The following ATP8A2 variants were observed in gnomAD, a reference collection of about 807,000 sequenced individuals.
ATP8A2 encodes ATPase phospholipid transporting 8A2.
A neutral mutation model predicts 165.6 loss-of-function variants in ATP8A2; 100 were observed. That is an observed-to-expected ratio of 0.60 (90% CI 0.51 to 0.71). The LOEUF (loss-of-function observed/expected upper bound fraction) is 0.71, where lower values mean the gene tolerates loss of function less well. Ranked by LOEUF, ATP8A2 falls within the 30% of genes least tolerant of loss-of-function variation. ATP8A2 has a pLI of 0.00. For missense variants in ATP8A2, 1,227 were observed against 1,479.5 expected (o/e 0.83, Z 2.80); for synonymous variants, 543 against 548.8 (o/e 0.99, Z 0.15).
chr13:25,927,561 C>T (rs967337516), intron 33 of ATP8A2, among the ~76,000 whole-genome samples: 14 of 152,190 alleles, frequency 9.2e-5, no homozygotes, highest in Non-Finnish European at 1.8e-4. Flanking sequence ...TACGTGTCTC[C>T]ACACGCAGAG....
intron 33 of ATP8A2, among the ~76,000 whole-genome samples, chr13:25,885,005 T>C (rs1385480022): frequency 6.6e-6 from 1 of 152,136 alleles, no homozygotes; most frequent in Non-Finnish European, 1.5e-5. Context: ...CCTGTTACTT[T>C]GTGGCAGGGC....
intron 35 of ATP8A2, among the ~76,000 whole-genome samples, chr13:26,001,772 A>G (rs1956635156): frequency 6.6e-6 from 1 of 151,970 alleles, no homozygotes; most frequent in African/African-American, 2.4e-5. Context: ...TGGATACTAG[A>G]CCTTTATCAG....
intron 35 of ATP8A2, among the ~76,000 whole-genome samples, chr13:26,000,378 T>C (rs959932734): frequency 2.0e-5 from 3 of 152,236 alleles, no homozygotes; most frequent in Non-Finnish European, 4.4e-5. Flanking sequence ...TCCCGCTCTT[T>C]GGCAGTTATG....
At chr13:25,632,617 C>T (rs1033287685) in intron 24 of ATP8A2, among the ~76,000 whole-genome samples, 3 of 152,204 alleles carry the variant, frequency 2.0e-5, no homozygotes, top group Non-Finnish European at 2.9e-5. Context: ...CCTCATGCTA[C>T]CTTTCACCTG....
At chr13:25,645,147 C>G (rs1456424405) in intron 24 of ATP8A2, among the ~76,000 whole-genome samples, 1 of 152,150 alleles carries the variant, frequency 6.6e-6, no homozygotes, top group African/African-American at 2.4e-5. Context: ...TACTGTTCCT[C>G]ATGGCTGGGG....
intron 2 of ATP8A2, among the ~76,000 whole-genome samples, chr13:25,512,840 A>T (rs1593433720): frequency 9.7e-6 from 1 of 103,588 alleles, no homozygotes; most frequent in Non-Finnish European, 2.0e-5. Flanking sequence ...GGGGCTCCTC[A>T]CTTTCCAGTA....
At chr13:25,802,020 C>T (rs536000372) in intron 27 of ATP8A2, among the ~76,000 whole-genome samples, 1 of 152,154 alleles carries the variant, frequency 6.6e-6, no homozygotes, top group Non-Finnish European at 1.5e-5. Flanking sequence ...CACCGGGTCC[C>T]TCCCATGACA....
chr13:25,764,211 T>C lies in ATP8A2; in HGVS notation c.2385-4835T>C, dbSNP rs777778646. ...TCATTACGAAAAACAACTTATGAAG[T>C]CTTGTTTGTTGTATTTCGGTTAGTT... On this transcript the variant is annotated intron_variant, in intron 25 of 36. Coordinates refer to ENST00000381655, the MANE Select transcript of ATP8A2 (RefSeq NM_016529.6). 1.0e-3 allele frequency among the ~76,000 whole-genome samples: 158 copies of C among 152,308 alleles called. 1 individual carries two copies. Among genetic ancestry groups the C allele is most frequent in the Non-Finnish European group, 2.1e-3 (145 of 68,038 alleles).
chr13:25,901,588 T>C (rs1953748194), intron 33 of ATP8A2, among the ~76,000 whole-genome samples: 1 of 152,140 alleles, frequency 6.6e-6, no homozygotes, highest in South Asian at 2.1e-4. Context: ...ATCTATTTGT[T>C]TTTCCATTAT....
At position 25,616,374 on chromosome 13, in the gene ATP8A2, C is replaced by T. The variant is rs1214024704; in HGVS notation, c.2211+26675C>T. Reference sequence around the variant, plus strand: ...GAGACAGAGTGTTGCTGTTGTCACCCAGTCTGGAGTGCAGTGGCACCATCT... The same window carrying T: ...GAGACAGAGTGTTGCTGTTGTCACCTAGTCTGGAGTGCAGTGGCACCATCT... On this transcript the variant is annotated intron_variant, in intron 24 of 36. Transcript: ENST00000381655. 4.6e-4 allele frequency among the ~76,000 whole-genome samples: 66 copies of T among 143,284 alleles called. 1 individual carries two copies. Among genetic ancestry groups the T allele is most frequent in the Admixed American group, 3.5e-4 (5 of 14,090 alleles). 94.0% of individuals were successfully genotyped at this position (143,284 alleles called of 152,430 possible). A position where few individuals can be genotyped will look rare whatever the true frequency, so the allele number is the denominator to read the frequency against.
chr13:25,786,494 G>C (rs2045029281), intron 27 of ATP8A2, among the ~76,000 whole-genome samples: 1 of 152,126 alleles, frequency 6.6e-6, no homozygotes, highest in Non-Finnish European at 1.5e-5. Flanking sequence ...AGGAATTATA[G>C]GATGAAGTTT....
intron 2 of ATP8A2, among the ~76,000 whole-genome samples, chr13:25,512,892 T>C (rs369806167): frequency 0.057 from 6,521 of 113,718 alleles, 256 homozygotes; most frequent in South Asian, 0.12. Context: ...CCGGACGGGG[T>C]GGCTGGCCAG....
At chr13:25,557,524 G>C (rs2138093143) in intron 13 of ATP8A2, among the ~76,000 whole-genome samples, 1 of 152,208 alleles carries the variant, frequency 6.6e-6, no homozygotes, top group South Asian at 2.1e-4. Flanking sequence ...TGGTTAGTCT[G>C]TCTTCTATGT....
intron 24 of ATP8A2, among the ~76,000 whole-genome samples, chr13:25,654,124 A>C: frequency 6.6e-6 from 1 of 152,244 alleles, no homozygotes; most frequent in East Asian, 1.9e-4. Flanking sequence ...AAAAGAAAGC[A>C]GTTCTTTTTT....
At chr13:25,751,721 T>G (rs76000573) in intron 25 of ATP8A2, among the ~76,000 whole-genome samples, 207 of 152,304 alleles carry the variant, frequency 1.4e-3, no homozygotes, top group African/African-American at 4.7e-3. Context: ...AGTGCTGGGA[T>G]TAAGCCTGGC....
intron 4 of ATP8A2, among the ~76,000 whole-genome samples, chr13:25,531,298 GTT>G (rs1566229472): frequency 1.8e-4 from 20 of 111,062 alleles, no homozygotes; most frequent in Non-Finnish European, 2.6e-4. Flanking sequence ...TGATATATAT[GTT>G]ATATATGATA....
intron 27 of ATP8A2, among the ~76,000 whole-genome samples, chr13:25,791,396 G>A (rs1212954340): frequency 1.3e-5 from 2 of 152,140 alleles, no homozygotes; most frequent in African/African-American, 4.8e-5. Flanking sequence ...TGGAGGATGG[G>A]AGTAGGGAGA....
At chr13:25,416,930 A>G (rs2034148421) in intron 1 of ATP8A2, among the ~76,000 whole-genome samples, 1 of 152,090 alleles carries the variant, frequency 6.6e-6, no homozygotes, top group African/African-American at 2.4e-5. Flanking sequence ...GCCAAGCCAT[A>G]TTTTGTGCTT....
intron 24 of ATP8A2, among the ~76,000 whole-genome samples, chr13:25,630,359 C>T (rs1429870977): frequency 6.6e-6 from 1 of 152,190 alleles, no homozygotes; most frequent in Non-Finnish European, 1.5e-5. Context: ...GAAGTGGCAG[C>T]GTTGATCTCC....
Sources: allele counts gnomAD v4.1 joint callset (sites outside exome capture counted in the v4.1 genomes callset), GRCh38; gene constraint gnomAD v4.1.1; transcripts MANE v1.5; gene names NCBI Gene and HGNC (gene_info 2026-07-23, HGNC 2026-07-21).